CCDC82: variants seen among roughly 807,000 people sequenced by gnomAD.
CCDC82 encodes the protein coiled-coil domain containing 82.
Under a neutral mutation model 60.6 loss-of-function variants are expected in CCDC82, and 47 were observed. That is an observed-to-expected ratio of 0.77 (90% confidence interval 0.61 to 0.99). The LOEUF is 0.99. CCDC82 is among the 50% of genes least tolerant of loss of function. CCDC82 has a pLI of 0.00. For synonymous variants in CCDC82, 212 were observed against 207.4 expected, an observed-to-expected ratio of 1.02 and a Z score of -0.19; for missense variants, 588 against 633.0, an observed-to-expected ratio of 0.93 and a Z score of 0.76.
In CCDC82 at chr11:96,359,121, G is replaced by A. The variant is rs998895385; in HGVS notation, c.1438C>T (p.His480Tyr). 1 of 1,599,770 alleles carries A rather than the reference G, an allele frequency of 6.3e-7. No homozygotes were observed. The highest frequency in any genetic ancestry group is 8.5e-7 in the Non-Finnish European group (1 of 1,176,262). The stretch of plus-strand genomic sequence containing the variant: ...TCCTGGTATAGTTTGAATTTAAAAT[G>A]TTTCAGTTTATGATAAATTCTGGTA... ...SRTRIYHKLK[H>Y]FKFKLYQECC... The change falls in exon 9 of 10, where the codon CAT (histidine) becomes TAT (tyrosine). Residue 480 changes from histidine to tyrosine, a missense_variant. Coordinates refer to ENST00000646818, the MANE Select transcript of CCDC82 (RefSeq NM_024725.4).
At chr11:96,361,357 T>A (rs2136081861) in intron 8 of CCDC82, among the ~76,000 whole-genome samples, 1 of 152,366 alleles carries the variant, frequency 6.6e-6, no homozygotes, top group Non-Finnish European at 1.5e-5. Flanking sequence ...TTTTTTTTCC[T>A]GTATGAAAAA....
chr11:96,367,820 C>CT (rs777554159), intron 7 of CCDC82, among the ~76,000 whole-genome samples: 2,579 of 122,710 alleles, frequency 0.021, 67 homozygotes, highest in African/African-American at 0.048. Context: ...AAATGTATTT[C>CT]TTTTTTTTTT....
At position 96,384,256 on chromosome 11, in the gene CCDC82, AGTTT is replaced by A. The variant is rs759196603; in HGVS notation, c.488_491del (p.Gln163LeufsTer4). The A allele has an allele frequency of 1.9e-6, 3 of 1,613,526 alleles. No individual in the cohort carries two copies. The highest frequency in any genetic ancestry group is 1.7e-5 in the Admixed American group (1 of 59,948). The stretch of plus-strand genomic sequence containing the variant: ...CTAAATCATCCTCTATTATTTGTCC[AGTTT>A]GTTTGTTGAGATCATTATCCTCTTG... On this transcript the variant is annotated frameshift_variant, in exon 4 of 10. Transcript: ENST00000646818. LOFTEE classifies it high-confidence loss of function.
Position 96,384,365 on chromosome 11 carries a change from T to G in CCDC82, c.383A>C (p.Lys128Thr), listed in dbSNP as rs3748261. ...ATCATTATCCTCTTGACTTAAATGT[T>G]TTTCCTGATCTTGTAAGTCAATATT... ...HRNIDLQDQE[K>T]HLSQEDNDLN... Residue 128 changes from lysine to threonine, a missense_variant, in exon 4 of 10, where the codon AAA (lysine) becomes ACA (threonine). Transcript: ENST00000646818. 1.9e-6 allele frequency: 3 copies of G among 1,613,794 alleles called. No individual in the cohort carries two copies. The South Asian group carries it at 3.3e-5, about 18-fold the overall frequency.
At chr11:96,370,011 G>C (rs1865177651) in intron 7 of CCDC82, among the ~76,000 whole-genome samples, 1 of 152,184 alleles carries the variant, frequency 6.6e-6, no homozygotes, top group Admixed American at 6.5e-5. Flanking sequence ...GTTCAGAGAG[G>C]TTAAATTTAT....
At chr11:96,384,952 T>C (rs1345016431) in intron 3 of CCDC82, 191 bp from the exon 4 acceptor site, 10 of 483,148 alleles carry the variant, frequency 2.1e-5, no homozygotes, top group Admixed American at 7.7e-5. Flanking sequence ...GAAATAATTA[T>C]ATGAACATCT....
At position 96,371,095 on chromosome 11, in the gene CCDC82, G is replaced by C; in HGVS notation, c.1127C>G (p.Ser376Cys). The change falls in exon 7 of 10, where the codon TCT becomes TGT. Residue 376 changes from serine to cysteine, a missense_variant. Ser to Cys is a moderately radical substitution (Grantham distance 112). Coordinates refer to ENST00000646818, the MANE Select transcript of CCDC82 (RefSeq NM_024725.4). ...QKSYAKDMLTSLHYLDNRFVQ... is the reference protein window; with the variant it reads ...QKSYAKDMLTCLHYLDNRFVQ... ...AAAGCGGTTATCCAAATAATGAAGA[G>C]ATGTTAGCATATCTTTTGCATATGA... 6.2e-7 allele frequency: 1 copy of C among 1,602,562 alleles called. No homozygotes were observed. The highest frequency in any genetic ancestry group is 8.5e-7 in the Non-Finnish European group (1 of 1,173,850).
intron 7 of CCDC82, among the ~76,000 whole-genome samples, chr11:96,366,378 T>C (rs1200002222): frequency 2.0e-5 from 3 of 152,258 alleles, no homozygotes; most frequent in African/African-American, 7.2e-5. Context: ...GTTTTTCAGC[T>C]AATACTTTTT....
At chr11:96,367,001 A>G (rs1476304831) in intron 7 of CCDC82, among the ~76,000 whole-genome samples, 2 of 152,238 alleles carry the variant, frequency 1.3e-5, no homozygotes, top group South Asian at 2.1e-4. Context: ...AATGTATGTA[A>G]TTTAAACTAC....
At chr11:96,364,857 A>G (rs551325300) in intron 8 of CCDC82, 123 bp downstream of exon 8, 6 of 813,564 alleles carry the variant, frequency 7.4e-6, no homozygotes, top group South Asian at 5.7e-5. Flanking sequence ...TGGGTTGCCA[A>G]TTTGGTGGAT....
chr11:96,370,378 A>G (rs1259259926), intron 7 of CCDC82, among the ~76,000 whole-genome samples: 1 of 152,222 alleles, frequency 6.6e-6, no homozygotes, highest in African/African-American at 2.4e-5. Flanking sequence ...GATAACTGGT[A>G]CATGAAACAA....
At chr11:96,378,253 G>C (rs1865691999) in intron 5 of CCDC82, among the ~76,000 whole-genome samples, 1 of 151,704 alleles carries the variant, frequency 6.6e-6, no homozygotes, top group African/African-American at 2.4e-5. Flanking sequence ...TCTTATTTTA[G>C]CTAGCTCCCT....
chr11:96,357,274 T>G (rs1565298103), intron 9 of CCDC82: 1 of 985,294 alleles, frequency 1.0e-6, no homozygotes, highest in East Asian at 1.1e-4. Flanking sequence ...AGGAACAAAT[T>G]TTTTAAGTGG....
In CCDC82 at chr11:96,384,585, G is replaced by C. The variant is rs1271644835; in HGVS notation, c.163C>G (p.Leu55Val). Reference protein sequence around the residue: ...DSEEFDSDEELDSDESFENDE... With the variant: ...DSEEFDSDEEVDSDESFENDE... ...TTTTCAAAACTTTCATCACTATCAA[G>C]CTCTTCATCACTATCAAATTCTTCA... Residue 55 changes from leucine (L) to valine (V), a missense_variant, in exon 4 of 10, where the codon CTT (leucine) becomes GTT (valine). By Grantham distance (32) the Leu-to-Val change is conservative (BLOSUM62 1). Transcript: ENST00000646818. The C allele has an allele frequency of 6.2e-7, 1 of 1,613,324 alleles. No homozygotes were observed. Among genetic ancestry groups the C allele is most frequent in the Non-Finnish European group, 8.5e-7 (1 of 1,179,578 alleles).
At chr11:96,356,811 T>G (rs1365008955) in intron 9 of CCDC82, 6 of 985,288 alleles carry the variant, frequency 6.1e-6, no homozygotes, top group Non-Finnish European at 7.2e-6. Context: ...CTAGTTGGCA[T>G]GTCTTTGGGA....
intron 8 of CCDC82, among the ~76,000 whole-genome samples, chr11:96,362,968 CTTTTT>C (rs1174356718): frequency 2.1e-5 from 3 of 145,314 alleles, no homozygotes; most frequent in South Asian, 2.2e-4. Flanking sequence ...TTTTTCTTTT[CTTTTT>C]TTTTTTTTTG....
At chr11:96,358,758 T>C (rs978324638) in intron 9 of CCDC82, 4 of 907,478 alleles carry the variant, frequency 4.4e-6, no homozygotes, top group Middle Eastern at 3.4e-4. Flanking sequence ...TAAAGGACAG[T>C]GTTAATGCTT....
intron 9 of CCDC82, chr11:96,357,732 TA>T: frequency 1.0e-6 from 1 of 985,304 alleles, no homozygotes. Context: ...TGGCAACACT[TA>T]AAGGCATCAA....
chr11:96,375,358 GAGA>G (rs1169349787), intron 5 of CCDC82, among the ~76,000 whole-genome samples: 1 of 152,142 alleles, frequency 6.6e-6, no homozygotes, highest in Admixed American at 6.5e-5. Context: ...AAAATCATTT[GAGA>G]AGTCTTGTCC....
Sources: gnomAD v4.1 joint callset for allele counts (sites outside exome capture counted in the v4.1 genomes callset) on GRCh38, gnomAD v4.1.1 for gene constraint, MANE v1.5 for transcripts, NCBI Gene and HGNC (gene_info 2026-07-23, HGNC 2026-07-21) for gene names.